The following DRC11 variants were observed in gnomAD, a reference collection of about 807,000 sequenced individuals.
The protein encoded by DRC11 is IQ and AAA domain-containing protein 1.
At chr2:236,328,166 C>G in the DRC11 span, among the ~76,000 whole-genome samples, 2 of 152,070 alleles carry the variant, frequency 1.3e-5, no homozygotes, top group Non-Finnish European at 2.9e-5. The surrounding 1 kb of genome is among the most constrained non-coding windows in gnomAD (Gnocchi z 6.7). Context: ...GCTTGTGGCT[C>G]ATAATTTTTT....
At chr2:236,428,162 G>C in the DRC11 span, among the ~76,000 whole-genome samples, 2 of 152,046 alleles carry the variant, frequency 1.3e-5, no homozygotes, top group African/African-American at 4.8e-5. Context: ...TATATGATTT[G>C]TCCTGGGGAA....
the DRC11 span, among the ~76,000 whole-genome samples, chr2:236,431,982 T>C: frequency 1.2e-3 from 188 of 152,326 alleles, 2 homozygotes; most frequent in African/African-American, 4.2e-3. This position sits in a 1 kb window ranked among gnomAD's most constrained non-coding sequence, Gnocchi z 4.2. Context: ...TTGGTAAATT[T>C]ATGTTTAACT....
the DRC11 span, among the ~76,000 whole-genome samples, chr2:236,503,080 T>C: frequency 2.0e-5 from 3 of 152,186 alleles, no homozygotes; most frequent in Non-Finnish European, 4.4e-5. This position sits in a 1 kb window ranked among gnomAD's most constrained non-coding sequence, Gnocchi z 4.9. Flanking sequence ...AACTTTTAAA[T>C]ATGGGAGTGG....
At chr2:236,419,439 A>T in the DRC11 span, among the ~76,000 whole-genome samples, 2 of 152,206 alleles carry the variant, frequency 1.3e-5, no homozygotes, top group Non-Finnish European at 2.9e-5. This position sits in a 1 kb window ranked among gnomAD's most constrained non-coding sequence, Gnocchi z 4.8. Flanking sequence ...CCTGCCTACC[A>T]TCTACCCTTA....
the DRC11 span, among the ~76,000 whole-genome samples, chr2:236,402,547 G>C: frequency 4.6e-5 from 7 of 152,260 alleles, no homozygotes; most frequent in Admixed American, 2.0e-4. The surrounding 1 kb of genome is among the most constrained non-coding windows in gnomAD (Gnocchi z 6.0). Context: ...TTCATGGGGT[G>C]GGGGGGCATG....
At chr2:236,414,663 C>G in the DRC11 span, among the ~76,000 whole-genome samples, 1 of 152,022 alleles carries the variant, frequency 6.6e-6, no homozygotes, top group African/African-American at 2.4e-5. Flanking sequence ...TAGCCCTGAG[C>G]TGAAGACGAA....
chr2:236,378,804 C>T, the DRC11 span, among the ~76,000 whole-genome samples: 41 of 152,250 alleles, frequency 2.7e-4, no homozygotes, highest in African/African-American at 9.6e-4. Flanking sequence ...CCGGTGTTTA[C>T]GCATGGACAG....
At chr2:236,459,625 A>G in the DRC11 span, among the ~76,000 whole-genome samples, 2,279 of 95,404 alleles carry the variant, frequency 0.024, 11 homozygotes, top group Middle Eastern at 0.03. Context: ...AAGTATATAC[A>G]TACGTATATA....
At chr2:236,357,649 T>TAATATAA in the DRC11 span, among the ~76,000 whole-genome samples, 2 of 126,222 alleles carry the variant, frequency 1.6e-5, no homozygotes, top group Non-Finnish European at 3.1e-5. Flanking sequence ...TGTAAATATA[T>TAATATAA]AAATTATATT....
the DRC11 span, chr2:236,493,977 CAA>C: frequency 9.2e-7 from 1 of 1,083,112 alleles, no homozygotes; most frequent in Non-Finnish European, 1.2e-6. Flanking sequence ...ACGTGCACAT[CAA>C]AGACGCTTGC....
the DRC11 span, among the ~76,000 whole-genome samples, chr2:236,357,734 CATATA>C: frequency 8.1e-6 from 1 of 123,282 alleles, no homozygotes; most frequent in Non-Finnish European, 1.6e-5. Flanking sequence ...TATAAATATA[CATATA>C]ATATGTAAAT....
chr2:236,497,611 T>C, the DRC11 span: 3 of 679,480 alleles, frequency 4.4e-6, no homozygotes, highest in Admixed American at 3.0e-5. This position sits in a 1 kb window ranked among gnomAD's most constrained non-coding sequence, Gnocchi z 5.1. Flanking sequence ...AATATAGTTA[T>C]ATAGTTGCAA....
chr2:236,408,069 C>A, the DRC11 span: 303 of 595,542 alleles, frequency 5.1e-4, 2 homozygotes, highest in Admixed American at 2.8e-4. The surrounding 1 kb of genome is among the most constrained non-coding windows in gnomAD (Gnocchi z 5.5). Context: ...CCACACATTC[C>A]TTCAGCATGA....
chr2:236,405,245 A>T, the DRC11 span, among the ~76,000 whole-genome samples: 1 of 151,900 alleles, frequency 6.6e-6, no homozygotes, highest in African/African-American at 2.4e-5. This position sits in a 1 kb window ranked among gnomAD's most constrained non-coding sequence, Gnocchi z 4.6. Context: ...TGCTTTCCAC[A>T]CTTGCTGGCT....
At chr2:236,416,721 T>TTATATA in the DRC11 span, among the ~76,000 whole-genome samples, 77 of 64,218 alleles carry the variant, frequency 1.2e-3, no homozygotes, top group East Asian at 2.0e-3. Context: ...ATATATATAT[T>TTATATA]TATATATATA....
chr2:236,476,845 A>C, the DRC11 span, among the ~76,000 whole-genome samples: 8 of 151,912 alleles, frequency 5.3e-5, no homozygotes, highest in African/African-American at 1.9e-4. The surrounding 1 kb of genome is among the most constrained non-coding windows in gnomAD (Gnocchi z 4.7). Context: ...TCAACCCATC[A>C]CCTAGGTATG....
the DRC11 span, chr2:236,486,956 G>T: frequency 7.3e-7 from 1 of 1,364,442 alleles, no homozygotes; most frequent in Non-Finnish European, 1.0e-6. This position sits in a 1 kb window ranked among gnomAD's most constrained non-coding sequence, Gnocchi z 5.7. Flanking sequence ...AGAAAACATG[G>T]CTTGCAGTTT....
the DRC11 span, among the ~76,000 whole-genome samples, chr2:236,422,742 A>T: frequency 6.6e-6 from 1 of 152,206 alleles, no homozygotes; most frequent in Non-Finnish European, 1.5e-5. Flanking sequence ...CCGCATTGCC[A>T]AGTCAATCCT....
chr2:236,491,934 G>C, the DRC11 span, among the ~76,000 whole-genome samples: 1 of 152,302 alleles, frequency 6.6e-6, no homozygotes, highest in South Asian at 2.1e-4. Flanking sequence ...GGACTTTTAA[G>C]AGGTGATAAG....
Sources: allele counts gnomAD v4.1 joint callset (sites outside exome capture counted in the v4.1 genomes callset), GRCh38; gene constraint gnomAD v4.1.1; non-coding constraint Gnocchi (gnomAD v3.1); transcripts MANE v1.5; gene names NCBI Gene and HGNC (gene_info 2026-07-23, HGNC 2026-07-21).